PARD3B: variants seen among roughly 807,000 people sequenced by gnomAD.
The protein encoded by PARD3B is par-3 family cell polarity regulator beta.
In PARD3B, 103 loss-of-function variants were observed where a neutral mutation model predicts 130.2. The observed-to-expected ratio is 0.79, with a 90% CI of 0.67 to 0.93. The LOEUF (loss-of-function observed/expected upper bound fraction) is 0.93, where lower values mean the gene tolerates loss of function less well. Among genes scored for constraint, PARD3B ranks in the 40% least tolerant of loss-of-function variants. The pLI is 0.00. For synonymous variants in PARD3B, 583 were observed against 553.2 expected (o/e 1.05, Z -0.76); for missense variants, 1,609 against 1,499.2 (o/e 1.07, Z -1.21).
chr2:204,687,374 G>C (rs1001346498), intron 2 of PARD3B, among the ~76,000 whole-genome samples: 1 of 152,178 alleles, frequency 6.6e-6, no homozygotes, highest in Non-Finnish European at 1.5e-5. Flanking sequence ...AAGTTTTATA[G>C]TCTATCTAGG....
intron 1 of PARD3B, among the ~76,000 whole-genome samples, chr2:204,567,373 T>G (rs906541772): frequency 2.6e-5 from 4 of 152,160 alleles, no homozygotes; most frequent in African/African-American, 7.2e-5. Flanking sequence ...TAACTCCCTA[T>G]TCCCCACTCC....
intron 1 of PARD3B, among the ~76,000 whole-genome samples, chr2:204,560,983 G>T (rs193095387): frequency 6.6e-6 from 1 of 152,008 alleles, no homozygotes; most frequent in Non-Finnish European, 1.5e-5. Context: ...GGGAGAGGGC[G>T]CAGTCTCTGA....
At chr2:205,554,249 C>G (rs1333910947) in intron 22 of PARD3B, among the ~76,000 whole-genome samples, 1 of 117,686 alleles carries the variant, frequency 8.5e-6, no homozygotes, top group Non-Finnish European at 1.8e-5. Context: ...AGACCCCAAG[C>G]AGAGTTTTTT....
At chr2:204,686,111 CTT>C (rs2037066221) in intron 1 of PARD3B, 68 bp from the exon 2 acceptor site, 1 of 1,080,260 alleles carries the variant, frequency 9.3e-7, no homozygotes, top group South Asian at 1.3e-5. Context: ...ACTTATGTCT[CTT>C]AACATTAAAA....
chr2:204,935,398 G>A lies in PARD3B; in HGVS notation c.223-29754G>A, dbSNP rs1374080298. 2.7e-5 allele frequency among the ~76,000 whole-genome samples: 4 copies of A among 149,178 alleles called. No individual in the cohort carries two copies. The South Asian group carries it at 8.5e-4, about 32-fold the overall frequency. ...CAAAAAAAAAAAAAAAATTAGCCTG[G>A]CATGGTGACGGGCGCCTGTAGTCCC... On this transcript the variant is annotated intron_variant, in intron 2 of 22. Transcript: ENST00000406610.
chr2:205,200,503 G>T (rs1212047815), intron 15 of PARD3B, among the ~76,000 whole-genome samples: 1 of 152,146 alleles, frequency 6.6e-6, no homozygotes, highest in Non-Finnish European at 1.5e-5. Context: ...TTAGAGAATT[G>T]GGTGATAGAT....
chr2:204,676,479 A>C (rs530190692), intron 1 of PARD3B, among the ~76,000 whole-genome samples: 9 of 152,146 alleles, frequency 5.9e-5, no homozygotes, highest in African/African-American at 2.2e-4. Flanking sequence ...CAAGAGCTCA[A>C]AGCCCTAAGG....
At chr2:204,587,976 CCT>C (rs1206529202) in intron 1 of PARD3B, among the ~76,000 whole-genome samples, 1 of 152,132 alleles carries the variant, frequency 6.6e-6, no homozygotes, top group East Asian at 1.9e-4. Flanking sequence ...GTCAATTAAA[CCT>C]CTTTCATTTA....
rs555474924 is a variant in PARD3B, at chr2:205,021,319, T to A, written c.395-26262T>A. On this transcript the variant is annotated intron_variant, in intron 3 of 22. Coordinates refer to ENST00000406610, the MANE Select transcript of PARD3B (RefSeq NM_001302769.2). This position sits in a 1 kb window ranked among gnomAD's most constrained non-coding sequence, Gnocchi z 4.5. ...AAGTAGCTAGAATGTAAAATAATAA[T>A]AATTTAGACATTGTTTTGGAATGAT... is the stretch of plus-strand genomic sequence containing the variant. 6.6e-6 allele frequency among the ~76,000 whole-genome samples: 1 copy of A among 152,292 alleles called. No individual in the cohort carries two copies. The highest frequency in any genetic ancestry group is 2.1e-4 in the South Asian group (1 of 4,826).
intron 2 of PARD3B, among the ~76,000 whole-genome samples, chr2:204,922,825 A>G (rs1465985059): frequency 6.6e-6 from 1 of 152,152 alleles, no homozygotes; most frequent in East Asian, 1.9e-4. Context: ...ATCTCCTCCT[A>G]CCTGACAAAA....
At chr2:204,988,051 A>AT (rs1693327676) in intron 3 of PARD3B, among the ~76,000 whole-genome samples, 1 of 152,124 alleles carries the variant, frequency 6.6e-6, no homozygotes, top group African/African-American at 2.4e-5. Context: ...AGTGGGGGTC[A>AT]TCACATTGCA....
intron 19 of PARD3B, among the ~76,000 whole-genome samples, chr2:205,419,149 A>G (rs528064960): frequency 2.0e-5 from 3 of 152,068 alleles, no homozygotes; most frequent in African/African-American, 4.8e-5. Flanking sequence ...CCCATGGGTC[A>G]TGGGAGGGAC....
chr2:205,613,710 T>C (rs1417487560), intron 22 of PARD3B, among the ~76,000 whole-genome samples: 4 of 152,246 alleles, frequency 2.6e-5, no homozygotes, highest in Admixed American at 2.0e-4. Context: ...TCTTTCATTA[T>C]TATACATAGC....
chr2:205,387,352 C>T (rs1365087700), intron 18 of PARD3B, among the ~76,000 whole-genome samples: 2 of 152,198 alleles, frequency 1.3e-5, no homozygotes, highest in African/African-American at 4.8e-5. Context: ...ATAATTTAAG[C>T]TCAGGCTTTC....
In PARD3B at chr2:205,584,817, A is replaced by C. The variant is rs1156631853; in HGVS notation, c.3261-30639A>C. 6.6e-6 allele frequency among the ~76,000 whole-genome samples: 1 copy of C among 152,160 alleles called. No individual in the cohort carries two copies. Among genetic ancestry groups the C allele is most frequent in the Non-Finnish European group, 1.5e-5 (1 of 68,034 alleles). On this transcript the variant is annotated intron_variant, in intron 22 of 22. Coordinates refer to ENST00000406610, the MANE Select transcript of PARD3B (RefSeq NM_001302769.2). This position sits in a 1 kb window ranked among gnomAD's most constrained non-coding sequence, Gnocchi z 5.5. The stretch of plus-strand genomic sequence containing the variant: ...TAGCTTCTGTTGAACCACCCTGCTG[A>C]AAGTTTGAAGAGCTCATGTTCAGCC...
intron 19 of PARD3B, among the ~76,000 whole-genome samples, chr2:205,438,560 A>G (rs2047599891): frequency 6.6e-6 from 1 of 152,214 alleles, no homozygotes; most frequent in South Asian, 2.1e-4. Flanking sequence ...GGGTGCAGCA[A>G]GCATTCTCTG....
intron 10 of PARD3B, among the ~76,000 whole-genome samples, chr2:205,147,261 G>A (rs1319637769): frequency 1.3e-5 from 2 of 151,736 alleles, no homozygotes; most frequent in East Asian, 3.9e-4. Flanking sequence ...TCTTTATCTG[G>A]AAAGAAAAAA....
intron 2 of PARD3B, among the ~76,000 whole-genome samples, chr2:204,894,729 T>C (rs2046581621): frequency 6.6e-6 from 1 of 152,080 alleles, no homozygotes; most frequent in African/African-American, 2.4e-5. Context: ...TGTTTCAGGG[T>C]TGGACATTTA....
At chr2:204,639,090 A>G (rs2034987511) in intron 1 of PARD3B, among the ~76,000 whole-genome samples, 1 of 152,198 alleles carries the variant, frequency 6.6e-6, no homozygotes. Context: ...TAGAGTGGCC[A>G]GGGAATATTC....
Sources: allele counts gnomAD v4.1 joint callset (sites outside exome capture counted in the v4.1 genomes callset), GRCh38; gene constraint gnomAD v4.1.1; non-coding constraint Gnocchi (gnomAD v3.1); transcripts MANE v1.5; gene names NCBI Gene and HGNC (gene_info 2026-07-23, HGNC 2026-07-21).